The following CAPN13 variants were observed in gnomAD, a reference collection of about 807,000 sequenced individuals.
CAPN13 encodes the protein calpain-13.
Under a neutral mutation model 98.4 loss-of-function variants are expected in CAPN13, and 90 were observed. That is an observed-to-expected ratio of 0.92 (90% CI 0.77 to 1.09). CAPN13 has a LOEUF of 1.09. CAPN13 is among the 50% of genes least tolerant of loss of function. The pLI is 0.00. For synonymous variants in CAPN13, 330 were observed against 305.5 expected, an observed-to-expected ratio of 1.08 and a Z score of -0.84; for missense variants, 887 against 841.3, an observed-to-expected ratio of 1.05 and a Z score of -0.67.
chr2:30,801,554 AAGATCATGCCATTGCACTCCAGCCT>A (rs2148115827), intron 1 of CAPN13, among the ~76,000 whole-genome samples: 1 of 150,660 alleles, frequency 6.6e-6, no homozygotes, highest in African/African-American at 2.4e-5. Context: ...GCAGTGAGCC[AAGATCATGCCATTGCACTCCAGCCT>A]GGGTGATAGA....
rs775779621 is a variant in CAPN13 at position 30,745,296 on chromosome 2, G to A, written c.1248+427C>T. 11 of 477,188 alleles carry A rather than the reference G, an allele frequency of 2.3e-5. No individual in the cohort carries two copies. In the East Asian group the frequency reaches 3.4e-4, roughly 15 times the overall value. The allele number at this position is 477,188 out of a possible 1,614,324, so 29.6% of individuals were successfully genotyped here. On this transcript the variant is annotated intron_variant, in intron 12 of 22. Transcript: ENST00000295055. ...GGAGGGTGGCAGTTTCTTGCAAGACGGGCTCAAGGATGTACCTTGAAGCTG... is the reference window on the plus strand; with the variant it reads ...GGAGGGTGGCAGTTTCTTGCAAGACAGGCTCAAGGATGTACCTTGAAGCTG...
At chr2:30,743,329 G>GT (rs1447422465) in intron 13 of CAPN13, 54 bp downstream of exon 13, 1 of 1,485,392 alleles carries the variant, frequency 6.7e-7, no homozygotes, top group African/African-American at 1.4e-5. Context: ...TACACAATGT[G>GT]TTTTTATAAA....
At chr2:30,729,223 G>T (rs1438753873) in intron 22 of CAPN13, among the ~76,000 whole-genome samples, 1 of 152,188 alleles carries the variant, frequency 6.6e-6, no homozygotes, top group Admixed American at 6.5e-5. Context: ...AAGAGTGAGT[G>T]GAAGTGCTTT....
chr2:30,768,546 C>T (rs952159509), intron 5 of CAPN13, among the ~76,000 whole-genome samples: 1 of 152,316 alleles, frequency 6.6e-6, no homozygotes, highest in East Asian at 1.9e-4. Context: ...CCATGAGAGT[C>T]CCTGCCCCTG....
rs538160704 is a variant in CAPN13 at position 30,767,269 on chromosome 2, A to C, written c.525-2963T>G. ...ATAATTCTATGTGATTCACCCCTGC[A>C]TTTCAGAGCTTCCTTTTTTGGATAG... On this transcript the variant is annotated intron_variant, in intron 5 of 22. Transcript: ENST00000295055. 1.8e-4 allele frequency among the ~76,000 whole-genome samples: 28 copies of C among 152,146 alleles called. No individual in the cohort carries two copies. In the South Asian group the frequency reaches 5.0e-3, roughly 27 times the overall value.
rs201335752 is a variant in CAPN13, at chr2:30,751,197, C to A, written c.1142G>T (p.Gly381Val). Residue 381 changes from glycine to valine, a missense_variant, in exon 11 of 23, where the codon GGC becomes GTC. Gly to Val is a moderately radical substitution (Grantham distance 109). Coordinates refer to ENST00000295055, the MANE Select transcript of CAPN13 (RefSeq NM_144575.3). ...FNFSVQEPME[G>V]TNVVVCVTVA... ...TGTGACGCACACGACAACATTGGTG[C>A]CTTCCATTGGCTCTTGCACAGAGAA... is the stretch of plus-strand genomic sequence containing the variant. The A allele has an allele frequency of 3.7e-6, 6 of 1,613,874 alleles. No individual in the cohort carries two copies. The highest frequency in any genetic ancestry group is 1.6e-4 in the Middle Eastern group (1 of 6,084).
chr2:30,754,232 G>T, intron 9 of CAPN13, 58 bp downstream of exon 9: 2 of 1,349,386 alleles, frequency 1.5e-6, no homozygotes, highest in Non-Finnish European at 2.0e-6. Context: ...AAAGGGTAGG[G>T]ATTGAAGACT....
At chr2:30,806,130 G>C (rs2148126528) in intron 1 of CAPN13, 1 of 152,258 alleles carries the variant, frequency 6.6e-6, no homozygotes, top group Middle Eastern at 3.4e-3. Flanking sequence ...GTTCTTTCAA[G>C]AGGGTAACTG....
At chr2:30,742,541 C>A (rs1671714747) in intron 13 of CAPN13, among the ~76,000 whole-genome samples, 182 bp from the exon 14 acceptor site, 1 of 152,216 alleles carries the variant, frequency 6.6e-6, no homozygotes, top group Non-Finnish European at 1.5e-5. Flanking sequence ...AGCCTTTTGG[C>A]TGGAAATGGT....
intron 11 of CAPN13, among the ~76,000 whole-genome samples, chr2:30,750,604 C>T (rs938324955): frequency 6.6e-6 from 1 of 152,292 alleles, no homozygotes; most frequent in South Asian, 2.1e-4. Flanking sequence ...CACCTCCCCT[C>T]CTGGATTTAT....
At chr2:30,786,038 TG>T in intron 2 of CAPN13, among the ~76,000 whole-genome samples, 4 of 152,116 alleles carry the variant, frequency 2.6e-5, no homozygotes, top group African/African-American at 9.7e-5. Flanking sequence ...GCAAGAGGTG[TG>T]TCGCCTCCCA....
At chr2:30,772,509 G>C (rs1354795713) in intron 4 of CAPN13, among the ~76,000 whole-genome samples, 1 of 152,202 alleles carries the variant, frequency 6.6e-6, no homozygotes, top group African/African-American at 2.4e-5. Flanking sequence ...CACCTAAGTA[G>C]CTCCACCAAT....
At chr2:30,739,017 A>T (rs1671523766) in intron 15 of CAPN13, among the ~76,000 whole-genome samples, 1 of 152,144 alleles carries the variant, frequency 6.6e-6, no homozygotes, top group Non-Finnish European at 1.5e-5. Context: ...AAAAAGGGAG[A>T]CATCATGGTT....
chr2:30,743,407 A>G lies in CAPN13; in HGVS notation c.1421T>C (p.Phe474Ser), dbSNP rs1671752011. The G allele has an allele frequency of 6.2e-7, 1 of 1,613,898 alleles. No homozygotes were observed. The highest frequency in any genetic ancestry group is 1.7e-5 in the Admixed American group (1 of 60,018). ...RKSAEFLLRI[F>S]LKMPDSDRHL... ...CCTGTCACTGTCTGGCATTTTCAGG[A>G]AGATTCGGAGCAAGAACTCCGCTGA... The change falls in exon 13 of 23, where the codon TTC becomes TCC. Residue 474 changes from phenylalanine to serine, a missense_variant. Transcript: ENST00000295055.
intron 1 of CAPN13, among the ~76,000 whole-genome samples, chr2:30,801,258 C>T (rs534326574): frequency 4.6e-5 from 7 of 152,022 alleles, no homozygotes; most frequent in Non-Finnish European, 7.4e-5. Context: ...TCCGTTTATT[C>T]TTAAAGGATT....
chr2:30,787,151 T>C lies in CAPN13; in HGVS notation c.175A>G (p.Asn59Asp), dbSNP rs755011156. The change falls in exon 2 of 23, where the codon AAT (asparagine) becomes GAT (aspartate). Residue 59 changes from asparagine (N) to aspartate (D), a missense_variant. Transcript: ENST00000295055. ...QKLLQEKRLS[N>D]VIWKRPQDLP... The stretch of plus-strand genomic sequence containing the variant: ...ACCTGTGGCCGCTTCCATATCACAT[T>C]GGAGAGGCGTTTTTCCTGGAGCAGC... 2 of 1,574,154 alleles carry C rather than the reference T, an allele frequency of 1.3e-6. No homozygotes were observed. Among genetic ancestry groups the C allele is most frequent in the East Asian group, 2.3e-5 (1 of 42,868 alleles).
chr2:30,764,249 G>A lies in CAPN13; in HGVS notation c.582C>T (p.Asp194=). 1 of 1,613,718 alleles carries A rather than the reference G, an allele frequency of 6.2e-7. No individual in the cohort carries two copies. The highest frequency in any genetic ancestry group is 8.5e-7 in the Non-Finnish European group (1 of 1,179,826). The stretch of plus-strand genomic sequence containing the variant: ...TGTTGGTGATCACGCCTCCTGTGAG[G>A]TCCACCAGGGCATCCTCGAGGAAGC... ...HYGFLEDALV[D]LTGGVITNIH... is the part of the protein sequence containing the mutation. Residue 194 remains aspartate, a synonymous_variant, in exon 6 of 23, where the codon GAC becomes GAT. Coordinates refer to ENST00000295055, the MANE Select transcript of CAPN13 (RefSeq NM_144575.3).
rs144527666 is a variant in CAPN13, at chr2:30,763,513, T to C, written c.700-357A>G. Among the ~76,000 whole-genome samples the C allele has an allele frequency of 2.8e-4, 42 of 152,376 alleles. 1 individual carries two copies. The highest frequency in any genetic ancestry group is 9.6e-4 in the African/African-American group (40 of 41,592). ...ACTTGACCCCCACATTGGGAGTAAC[T>C]GGAGTTTAAACTGCATCTTGGGCTT... On this transcript the variant is annotated intron_variant, in intron 6 of 22. Transcript: ENST00000295055.
At chr2:30,767,776 C>T (rs1416893260) in intron 5 of CAPN13, among the ~76,000 whole-genome samples, 1 of 152,190 alleles carries the variant, frequency 6.6e-6, no homozygotes, top group African/African-American at 2.4e-5. Context: ...CTTGAGGCAC[C>T]TCACTGTTTG....
Sources: allele counts gnomAD v4.1 joint callset (sites outside exome capture counted in the v4.1 genomes callset), GRCh38; gene constraint gnomAD v4.1.1; transcripts MANE v1.5; gene names NCBI Gene and HGNC (gene_info 2026-07-23, HGNC 2026-07-21).